The following VAT1L variants were observed in gnomAD, a reference collection of about 807,000 sequenced individuals.
VAT1L encodes the protein vesicle amine transport 1 like.
Under a neutral mutation model 44.1 loss-of-function variants are expected in VAT1L, and 34 were observed. The observed-to-expected ratio is 0.77, with a 90% CI of 0.59 to 1.03. The LOEUF is 1.03. VAT1L is among the 50% of genes least tolerant of loss of function. The pLI is 0.00. For missense variants in VAT1L, 615 were observed against 538.8 expected (o/e 1.14, Z -1.40); for synonymous variants, 253 against 202.2 (o/e 1.25, Z -2.13).
chr16:77,803,022 A>G (rs1230685884), intron 1 of VAT1L, among the ~76,000 whole-genome samples: 1 of 152,016 alleles, frequency 6.6e-6, no homozygotes, highest in Non-Finnish European at 1.5e-5. Context: ...ATTCCTAGGT[A>G]TTTTCCTACT....
In VAT1L at chr16:77,978,957, C is replaced by G. The variant is rs991601379; in HGVS notation, c.*1262C>G. 6.6e-6 allele frequency: 1 copy of G among 152,210 alleles called. No homozygotes were observed. The highest frequency in any genetic ancestry group is 2.4e-5 in the African/African-American group (1 of 41,460). 9.4% of individuals were successfully genotyped at this position (152,210 alleles called of 1,614,324 possible). On this transcript the variant is annotated 3_prime_UTR_variant, in exon 9 of 9. Transcript: ENST00000302536. ...CAGTCCTTTTGGCTAAAATGCTTAA[C>G]TATCACTCACAAACAAATGTGGAGA...
intron 1 of VAT1L, among the ~76,000 whole-genome samples, chr16:77,814,789 G>T (rs184458921): frequency 6.6e-6 from 1 of 152,342 alleles, no homozygotes; most frequent in Non-Finnish European, 1.5e-5. Flanking sequence ...TACAAGTGAA[G>T]TTCAGAGATA....
At chr16:77,937,775 C>A (rs1183143296) in intron 7 of VAT1L, among the ~76,000 whole-genome samples, 2 of 152,158 alleles carry the variant, frequency 1.3e-5, no homozygotes, top group African/African-American at 4.8e-5. Flanking sequence ...CTTGAAAAGG[C>A]GAGTTGAATC....
At chr16:77,902,621 G>A (rs1021653081) in intron 7 of VAT1L, among the ~76,000 whole-genome samples, 2 of 150,924 alleles carry the variant, frequency 1.3e-5, no homozygotes, top group Non-Finnish European at 2.9e-5. Context: ...CCTACCAGAA[G>A]AAGTGCTAAA....
chr16:77,957,847 G>A (rs1160945839), intron 7 of VAT1L, among the ~76,000 whole-genome samples: 1 of 151,358 alleles, frequency 6.6e-6, no homozygotes, highest in Non-Finnish European at 1.5e-5. Flanking sequence ...CAGGAGTGGT[G>A]GGAGCTCAGG....
intron 7 of VAT1L, among the ~76,000 whole-genome samples, chr16:77,959,609 A>G (rs948258596): frequency 6.6e-6 from 1 of 152,082 alleles, no homozygotes. Flanking sequence ...TATGCTTATT[A>G]TCATTCATAG....
chr16:77,883,184 T>C (rs2017173034), intron 6 of VAT1L, among the ~76,000 whole-genome samples: 1 of 152,214 alleles, frequency 6.6e-6, no homozygotes, highest in African/African-American at 2.4e-5. Context: ...GCTATCAATG[T>C]TTCTAAATGC....
intron 3 of VAT1L, among the ~76,000 whole-genome samples, chr16:77,839,532 T>C (rs2016679921): frequency 4.2e-5 from 1 of 23,600 alleles, no homozygotes; most frequent in Non-Finnish European, 6.8e-5. Context: ...AGATACTCCA[T>C]ATCAAAAAAA....
chr16:77,936,093 G>A (rs1309319946), intron 7 of VAT1L, among the ~76,000 whole-genome samples: 2 of 152,176 alleles, frequency 1.3e-5, no homozygotes, highest in Non-Finnish European at 2.9e-5. Flanking sequence ...ATAAGGTTGT[G>A]GGGAGACTAT....
chr16:77,827,077 C>T (rs536673830), intron 3 of VAT1L, among the ~76,000 whole-genome samples: 3 of 152,304 alleles, frequency 2.0e-5, no homozygotes, highest in East Asian at 1.9e-4. Context: ...TTAGGAATGC[C>T]TTAAGAAAAA....
intron 8 of VAT1L, among the ~76,000 whole-genome samples, chr16:77,972,246 A>G (rs2018286971): frequency 6.6e-6 from 1 of 152,162 alleles, no homozygotes; most frequent in South Asian, 2.1e-4. Flanking sequence ...AATTTCAATA[A>G]TTTCACATTC....
chr16:77,920,527 T>A (rs1043314923), intron 7 of VAT1L, among the ~76,000 whole-genome samples: 2 of 152,306 alleles, frequency 1.3e-5, no homozygotes, highest in East Asian at 1.9e-4. Context: ...TATCGAAATA[T>A]GTATGTGTTC....
chr16:77,865,528 G>A (rs2142445172), intron 4 of VAT1L, among the ~76,000 whole-genome samples: 1 of 152,246 alleles, frequency 6.6e-6, no homozygotes, highest in East Asian at 1.9e-4. Context: ...CGGAGGGAGA[G>A]GGGACAAAAA....
chr16:77,956,688 C>T (rs192267936), intron 7 of VAT1L, among the ~76,000 whole-genome samples: 88 of 152,304 alleles, frequency 5.8e-4, no homozygotes, highest in African/African-American at 2.0e-3. Flanking sequence ...TATCCTTCCT[C>T]GTGGGAGGAT....
At chr16:77,881,389 A>G (rs1427471045) in intron 6 of VAT1L, among the ~76,000 whole-genome samples, 1 of 152,258 alleles carries the variant, frequency 6.6e-6, no homozygotes. Context: ...CAAACCCAAA[A>G]TAAGCAAGAT....
chr16:77,884,951 T>C lies in VAT1L; in HGVS notation c.1077+149T>C. The stretch of plus-strand genomic sequence containing the variant: ...CCTAAAAGTCACCTGTACCACAGAA[T>C]AGTACTTTGGATATAAGAAATACTT... On this transcript the variant is annotated intron_variant, in intron 7 of 8. Transcript: ENST00000302536. This position sits in a 1 kb window ranked among gnomAD's most constrained non-coding sequence, Gnocchi z 4.5. 2.5e-6 allele frequency: 2 copies of C among 792,646 alleles called. No individual in the cohort carries two copies. Among genetic ancestry groups the C allele is most frequent in the Non-Finnish European group, 3.7e-6 (2 of 537,670 alleles). The allele number at this position is 792,646 out of a possible 1,614,324, so 49.1% of individuals were successfully genotyped here. A position where few individuals can be genotyped will look rare whatever the true frequency, so the allele number is the denominator to read the frequency against.
At chr16:77,940,164 A>G (rs1447726894) in intron 7 of VAT1L, among the ~76,000 whole-genome samples, 1 of 152,130 alleles carries the variant, frequency 6.6e-6, no homozygotes, top group African/African-American at 2.4e-5. Context: ...TTAACAAGCA[A>G]ATCTTAGGGG....
chr16:77,977,467 T>A (rs768868597), intron 8 of VAT1L, 130 bp from the exon 9 acceptor site: 24 of 829,102 alleles, frequency 2.9e-5, no homozygotes, highest in Non-Finnish European at 4.2e-5. Flanking sequence ...AATCCTGCAT[T>A]GCCTTCCAGG....
chr16:77,936,757 TAAAG>T (rs1268072641), intron 7 of VAT1L, among the ~76,000 whole-genome samples: 1 of 151,986 alleles, frequency 6.6e-6, no homozygotes, highest in Non-Finnish European at 1.5e-5. Flanking sequence ...TTGTAAGGAT[TAAAG>T]AAAGAGGAGA....
Sources: allele counts gnomAD v4.1 joint callset (sites outside exome capture counted in the v4.1 genomes callset), GRCh38; gene constraint gnomAD v4.1.1; non-coding constraint Gnocchi (gnomAD v3.1); transcripts MANE v1.5; gene names NCBI Gene and HGNC (gene_info 2026-07-23, HGNC 2026-07-21).